Variants in IVD observed in about 807,000 individuals in gnomAD.
The protein encoded by IVD is isovaleryl-CoA dehydrogenase, mitochondrial.
Under a neutral mutation model 51.3 loss-of-function variants are expected in IVD, and 31 were observed. The ratio of observed to expected loss-of-function variants is 0.60; its 90% CI spans 0.45 to 0.81. IVD has a LOEUF of 0.81. IVD is among the 40% of genes least tolerant of loss of function. IVD has a pLI of 0.00. For missense variants in IVD, 475 were observed against 552.0 expected (o/e 0.86, Z 1.40); for synonymous variants, 205 against 219.4 (o/e 0.93, Z 0.58).
downstream of IVD, among the ~76,000 whole-genome samples, chr15:40,426,179 C>T (rs184145783): frequency 6.6e-6 from 1 of 152,092 alleles, no homozygotes; most frequent in Admixed American, 6.6e-5. Flanking sequence ...TGTGGAAATA[C>T]AACAATTTAA....
chr15:40,415,238 C>CA (rs1769361277), intron 8 of IVD, 163 bp from the exon 9 acceptor site: 1 of 754,624 alleles, frequency 1.3e-6, no homozygotes, highest in Admixed American at 2.1e-5. Flanking sequence ...CCTGGGCTGT[C>CA]ACGCCCCTGC....
chr15:40,430,197 A>G (rs1892892127), intron 7 of IVD, among the ~76,000 whole-genome samples: 1 of 152,232 alleles, frequency 6.6e-6, no homozygotes, highest in South Asian at 2.1e-4. Context: ...TCTGCCATTC[A>G]TTCATCACTG....
chr15:40,423,840 T>G (rs1892511184), downstream of IVD, among the ~76,000 whole-genome samples: 1 of 152,232 alleles, frequency 6.6e-6, no homozygotes, highest in South Asian at 2.1e-4. Flanking sequence ...GGGCCAGCCC[T>G]GTCCACGGGC....
At chr15:40,411,448 T>C in intron 5 of IVD, 95 bp downstream of exon 5, 1 of 1,600,694 alleles carries the variant, frequency 6.2e-7, no homozygotes, top group East Asian at 2.2e-5. Context: ...CTGCTGGGTT[T>C]CCAGAACTTT....
chr15:40,431,130 T>C (rs907952902), intron 7 of IVD, among the ~76,000 whole-genome samples: 14 of 142,154 alleles, frequency 9.8e-5, no homozygotes, highest in African/African-American at 5.6e-5. Context: ...TTATTACGCT[T>C]TTTTTTTTTT....
At chr15:40,409,299 G>A (rs1890795641) in intron 3 of IVD, among the ~76,000 whole-genome samples, 1 of 152,068 alleles carries the variant, frequency 6.6e-6, no homozygotes, top group Non-Finnish European at 1.5e-5. Flanking sequence ...GACTCGGGAG[G>A]CCAAGGCAGG....
Position 40,416,331 on chromosome 15 carries a change from A to C in IVD, c.1107A>C (p.Thr369=), listed in dbSNP as rs1286789645. The part of the protein sequence containing the change: ...GVILYSAECA[T]QVALDGIQCF... Reference sequence around the variant, plus strand: ...TTCTTTACTCAGCTGAGTGTGCCACACAGGTAGCCCTGGACGGCATTCAGT... The same window carrying C: ...TTCTTTACTCAGCTGAGTGTGCCACCCAGGTAGCCCTGGACGGCATTCAGT... Residue 369 remains threonine, a synonymous_variant, in exon 11 of 12, where the codon ACA becomes ACC. Coordinates refer to ENST00000487418, the MANE Select transcript of IVD (RefSeq NM_002225.5). The C allele has an allele frequency of 1.2e-6, 2 of 1,614,170 alleles. No individual in the cohort carries two copies. The highest frequency in any genetic ancestry group is 2.2e-5 in the East Asian group (1 of 44,874).
At position 40,418,858 on chromosome 15, in the gene IVD, C is replaced by A; in HGVS notation, c.*595C>A. 3 of 791,486 alleles carry A rather than the reference C, an allele frequency of 3.8e-6. No individual in the cohort carries two copies. The highest frequency in any genetic ancestry group is 7.5e-5 in the East Asian group (1 of 13,378). 49.0% of individuals were successfully genotyped at this position (791,486 alleles called of 1,614,324 possible). A position where few individuals can be genotyped will look rare whatever the true frequency, so the allele number is the denominator to read the frequency against. On this transcript the variant is annotated 3_prime_UTR_variant, in exon 12 of 12. Transcript: ENST00000487418. ...AAATAATAAACCTAGCCTAGCCAGG[C>A]GTGGTGGCTCATGCTTGTAATCCCA...
downstream of IVD, among the ~76,000 whole-genome samples, chr15:40,424,645 T>G (rs1892560198): frequency 6.6e-6 from 1 of 152,254 alleles, no homozygotes; most frequent in African/African-American, 2.4e-5. Context: ...TGTCTTTACA[T>G]GATCACCATC....
chr15:40,418,718 T>C lies in IVD; in HGVS notation c.*455T>C, dbSNP rs186293612. 1.8e-6 allele frequency: 2 copies of C among 1,106,288 alleles called. No homozygotes were observed. Among genetic ancestry groups the C allele is most frequent in the African/African-American group, 1.6e-5 (1 of 60,902 alleles). 68.5% of individuals were successfully genotyped at this position (1,106,288 alleles called of 1,614,324 possible). A position where few individuals can be genotyped will look rare whatever the true frequency, so the allele number is the denominator to read the frequency against. ...ACAGCAGAATCATGGCCCCTCTCCA[T>C]GAATTGGAACTTGGTACAGGTTAAG... On this transcript the variant is annotated 3_prime_UTR_variant, in exon 12 of 12. Coordinates refer to ENST00000487418, the MANE Select transcript of IVD (RefSeq NM_002225.5).
rs902410263 is a variant in IVD at position 40,420,345 on chromosome 15, G to C, written c.*2082G>C. 8 of 987,574 alleles carry C rather than the reference G, an allele frequency of 8.1e-6. No individual in the cohort carries two copies. In the African/African-American group the frequency reaches 1.2e-4, roughly 15 times the overall value. 61.2% of individuals were successfully genotyped at this position (987,574 alleles called of 1,614,324 possible). ...GCCGGAGTTGGCTCGCATGACTCCA[G>C]CTGAGGCTGCCTGTGTACATTTCTC... On this transcript the variant is annotated 3_prime_UTR_variant, in exon 12 of 12. Coordinates refer to ENST00000487418, the MANE Select transcript of IVD (RefSeq NM_002225.5).
chr15:40,414,165 A>C (rs1269010959), intron 7 of IVD, among the ~76,000 whole-genome samples: 1 of 152,172 alleles, frequency 6.6e-6, no homozygotes, highest in African/African-American at 2.4e-5. Flanking sequence ...GGCCAGGGGC[A>C]TGGATTTGAT....
At chr15:40,407,355 G>A (rs1380143255) in intron 1 of IVD, among the ~76,000 whole-genome samples, 2 of 152,052 alleles carry the variant, frequency 1.3e-5, no homozygotes, top group Non-Finnish European at 2.9e-5. Flanking sequence ...GGGCCTAGTA[G>A]GCCTGGGTGA....
At position 40,420,821 on chromosome 15, in the gene IVD, C is replaced by T. The variant is rs952489470; in HGVS notation, c.*2558C>T. The T allele has an allele frequency of 2.0e-5, 20 of 985,380 alleles. No individual in the cohort carries two copies. The highest frequency in any genetic ancestry group is 2.3e-5 in the Non-Finnish European group (19 of 830,016). The allele number at this position is 985,380 out of a possible 1,614,324, so 61.0% of individuals were successfully genotyped here. On this transcript the variant is annotated 3_prime_UTR_variant, in exon 12 of 12. Coordinates refer to ENST00000487418, the MANE Select transcript of IVD (RefSeq NM_002225.5). The stretch of plus-strand genomic sequence containing the variant: ...TGTTCTGAGAATTCCAGCTTTGGGC[C>T]GCACTGTACAGCAGTCTGGATAGAG...
chr15:40,421,421 A>C (rs1217524068), downstream of IVD: 2 of 984,140 alleles, frequency 2.0e-6, no homozygotes, highest in African/African-American at 3.5e-5. Flanking sequence ...AGCTGCCAGC[A>C]CTGCTCCTTC....
downstream of IVD, among the ~76,000 whole-genome samples, chr15:40,427,024 C>A (rs149247557): frequency 2.6e-5 from 4 of 152,040 alleles, no homozygotes; most frequent in Admixed American, 2.6e-4. Flanking sequence ...CTGGAAGACA[C>A]GAGAGAGTAA....
downstream of IVD, among the ~76,000 whole-genome samples, chr15:40,423,846 C>T (rs906838137): frequency 2.6e-5 from 4 of 152,226 alleles, no homozygotes; most frequent in Non-Finnish European, 5.9e-5. Context: ...GCCCTGTCCA[C>T]GGGCCAGTGT....
intron 8 of IVD, among the ~76,000 whole-genome samples, chr15:40,434,945 G>T (rs902212717): frequency 2.0e-5 from 3 of 152,236 alleles, no homozygotes; most frequent in Admixed American, 6.5e-5. Context: ...CAAGCTTGCA[G>T]AAGTCAGTGT....
downstream of IVD, among the ~76,000 whole-genome samples, chr15:40,424,684 C>T (rs1892562684): frequency 1.3e-5 from 2 of 152,320 alleles, no homozygotes; most frequent in South Asian, 4.1e-4. Flanking sequence ...GTAATAGGTG[C>T]ACAACAAATA....
Sources: allele counts gnomAD v4.1 joint callset (sites outside exome capture counted in the v4.1 genomes callset), GRCh38; gene constraint gnomAD v4.1.1; transcripts MANE v1.5; gene names NCBI Gene and HGNC (gene_info 2026-07-23, HGNC 2026-07-21).